STIMATE: variants seen among roughly 807,000 people sequenced by gnomAD.
STIMATE encodes store-operated calcium entry regulator STIMATE.
STIMATE carries 15 observed loss-of-function variants against 36.7 expected under a neutral mutation model. The ratio of observed to expected loss-of-function variants is 0.41; its 90% CI spans 0.27 to 0.63. STIMATE has a LOEUF of 0.63. Ranked by LOEUF, STIMATE falls within the 20% of genes least tolerant of loss-of-function variation. The pLI, the probability that STIMATE is intolerant of heterozygous loss-of-function variation, is 0.32. For missense variants in STIMATE, 305 were observed against 397.3 expected, an observed-to-expected ratio of 0.77 and a Z score of 1.98; for synonymous variants, 163 against 162.3, an observed-to-expected ratio of 1.00 and a Z score of -0.03.
intron 1 of STIMATE, among the ~76,000 whole-genome samples, chr3:52,855,941 G>C (rs908189146): frequency 6.6e-6 from 1 of 152,236 alleles, no homozygotes; most frequent in African/African-American, 2.4e-5. Context: ...GAAGAGTGAA[G>C]TCTGTCGCAG....
intron 1 of STIMATE, among the ~76,000 whole-genome samples, chr3:52,882,082 G>A (rs570804516): frequency 1.3e-5 from 2 of 152,354 alleles, no homozygotes; most frequent in South Asian, 2.1e-4. Flanking sequence ...GTCAGCCAGG[G>A]CTGCATCACC....
intron 7 of STIMATE, among the ~76,000 whole-genome samples, chr3:52,842,564 G>A (rs150446162): frequency 8.7e-4 from 132 of 152,304 alleles, no homozygotes; most frequent in Middle Eastern, 6.8e-3. Context: ...AGGAACTGTC[G>A]CAGGCAAGCC....
chr3:52,890,850 G>C (rs1397949825), intron 1 of STIMATE, among the ~76,000 whole-genome samples: 1 of 152,156 alleles, frequency 6.6e-6, no homozygotes, highest in Non-Finnish European at 1.5e-5. Context: ...AAGGGACTCC[G>C]TGCTGCCTGC....
chr3:52,884,897 G>A (rs913222415), intron 1 of STIMATE, among the ~76,000 whole-genome samples: 2 of 152,172 alleles, frequency 1.3e-5, no homozygotes, highest in Non-Finnish European at 2.9e-5. Flanking sequence ...GTCCTTCTAT[G>A]GCCATGTGTT....
chr3:52,840,558 A>C lies in STIMATE; in HGVS notation c.821T>G (p.Leu274Arg). ...AGGCTTGAGGGGGGTCAGTCTGCGG[A>C]GGTCCTCCTCCACGTCGGACTCCTC... is the stretch of plus-strand genomic sequence containing the variant. Reference protein sequence around the residue: ...EMEESDVEEDLRRLTPLKPVK... With the variant: ...EMEESDVEEDRRRLTPLKPVK... Residue 274 changes from leucine to arginine, a missense_variant, in exon 8 of 8, where the codon CTC (leucine) becomes CGC (arginine). Around this residue, in one of 3 missense-constraint regions of STIMATE, gnomAD observed 84 missense variants for 82.4 expected, o/e 1.02. Transcript: ENST00000355083. 1.9e-6 allele frequency: 3 copies of C among 1,613,978 alleles called. No homozygotes were observed. Among genetic ancestry groups the C allele is most frequent in the Non-Finnish European group, 2.5e-6 (3 of 1,179,970 alleles).
At chr3:52,897,187 T>G in intron 1 of STIMATE, 104 bp downstream of exon 1, 1 of 1,420,550 alleles carries the variant, frequency 7.0e-7, no homozygotes, top group South Asian at 1.4e-5. Flanking sequence ...GAGGAGCAAT[T>G]CGGGTCCCAA....
intron 4 of STIMATE, chr3:52,848,074 T>C (rs1246941141): frequency 6.5e-6 from 1 of 152,808 alleles, no homozygotes; most frequent in African/African-American, 2.4e-5. Context: ...CAAAAAAAGA[T>C]AATCAACTTG....
At chr3:52,890,913 C>T (rs1226824148) in intron 1 of STIMATE, among the ~76,000 whole-genome samples, 1 of 152,170 alleles carries the variant, frequency 6.6e-6, no homozygotes, top group Non-Finnish European at 1.5e-5. Flanking sequence ...TGCTAGACCT[C>T]AGCCTTGGGG....
At chr3:52,855,489 T>C (rs1174196156) in intron 1 of STIMATE, 45 bp from the exon 2 acceptor site, 1 of 1,613,096 alleles carries the variant, frequency 6.2e-7, no homozygotes, top group Non-Finnish European at 8.5e-7. Flanking sequence ...AGAAGTTACA[T>C]AAAGCAAGAT....
intron 1 of STIMATE, among the ~76,000 whole-genome samples, chr3:52,887,207 C>G (rs541306096): frequency 6.6e-6 from 1 of 152,328 alleles, no homozygotes; most frequent in African/African-American, 2.4e-5. Flanking sequence ...AAAAGAACAC[C>G]TGTGTCCTTA....
intron 4 of STIMATE, chr3:52,847,673 C>T (rs994998297): frequency 4.5e-6 from 3 of 665,492 alleles, no homozygotes; most frequent in Non-Finnish European, 7.0e-6. Flanking sequence ...GGTGGAATAA[C>T]AGCCCCACAC....
At chr3:52,890,607 A>G (rs1701767869) in intron 1 of STIMATE, among the ~76,000 whole-genome samples, 1 of 152,236 alleles carries the variant, frequency 6.6e-6, no homozygotes, top group Admixed American at 6.5e-5. Context: ...GCCAGGCTGA[A>G]AAACTCTGGA....
At chr3:52,852,739 A>G in intron 2 of STIMATE, 41 bp from the exon 3 acceptor site, 6 of 1,605,920 alleles carry the variant, frequency 3.7e-6, no homozygotes, top group Non-Finnish European at 5.1e-6. Flanking sequence ...GCCTGACAGG[A>G]GCGCAATATC....
In STIMATE at chr3:52,859,748, T is replaced by A. The variant is rs116036407; in HGVS notation, c.161-4304A>T. ...ATTAAAGGAATTATGGATCAAGGAA[T>A]TCACATTGCTTTTATTTCAGAATTT... On this transcript the variant is annotated intron_variant, in intron 1 of 7. Coordinates refer to ENST00000355083, the MANE Select transcript of STIMATE (RefSeq NM_198563.5). Among the ~76,000 whole-genome samples the A allele has an allele frequency of 4.7e-3, 710 of 151,506 alleles. 9 individuals carry two copies. The highest frequency in any genetic ancestry group is 0.016 in the African/African-American group (664 of 41,354).
intron 1 of STIMATE, among the ~76,000 whole-genome samples, chr3:52,870,410 C>G (rs1701381893): frequency 6.6e-6 from 1 of 152,114 alleles, no homozygotes; most frequent in Non-Finnish European, 1.5e-5. Context: ...GCGCTTCCCA[C>G]GTGGGAACGG....
chr3:52,843,055 A>G (rs1175268482), intron 6 of STIMATE, 95 bp from the exon 7 acceptor site: 1 of 1,564,136 alleles, frequency 6.4e-7, no homozygotes, highest in Non-Finnish European at 8.7e-7. Flanking sequence ...TCCAGGTTAT[A>G]AGATCCAGAG....
chr3:52,882,495 A>G (rs1426924130), intron 1 of STIMATE, among the ~76,000 whole-genome samples: 1 of 152,172 alleles, frequency 6.6e-6, no homozygotes, highest in Non-Finnish European at 1.5e-5. Context: ...GCATGGATGC[A>G]TCTTTCAAGG....
chr3:52,865,295 C>G (rs1038526741), intron 1 of STIMATE, among the ~76,000 whole-genome samples: 3 of 152,184 alleles, frequency 2.0e-5, no homozygotes, highest in African/African-American at 7.2e-5. Context: ...ATTTTCCTTT[C>G]TTCTGCACCC....
At position 52,897,472 on chromosome 3, in the gene STIMATE, G is replaced by C; in HGVS notation, c.-22C>G. On this transcript the variant is annotated 5_prime_UTR_variant, in exon 1 of 8. Transcript: ENST00000355083. ...GCATGACAGGCCTCGCGGGAGGGGCGCGAGGGCCCAGGGCCCGCCCGGCCT... is the reference window on the plus strand; with the variant it reads ...GCATGACAGGCCTCGCGGGAGGGGCCCGAGGGCCCAGGGCCCGCCCGGCCT... The C allele has an allele frequency of 7.8e-7, 1 of 1,281,898 alleles. No individual in the cohort carries two copies. Among genetic ancestry groups the C allele is most frequent in the African/African-American group, 1.6e-5 (1 of 64,074 alleles). 79.4% of individuals were successfully genotyped at this position (1,281,898 alleles called of 1,614,324 possible).
Sources: allele counts gnomAD v4.1 joint callset (sites outside exome capture counted in the v4.1 genomes callset), GRCh38; gene constraint gnomAD v4.1.1; regional missense constraint gnomAD v4.1.1; transcripts MANE v1.5; gene names NCBI Gene and HGNC (gene_info 2026-07-23, HGNC 2026-07-21).